The following RTCB variants were observed in gnomAD, a reference collection of about 807,000 sequenced individuals.
RTCB encodes RNA-splicing ligase RTCB.
In RTCB, 32 loss-of-function variants were observed where a neutral mutation model predicts 58.2. That is an observed-to-expected ratio of 0.55 (90% confidence interval 0.41 to 0.74). The LOEUF (loss-of-function observed/expected upper bound fraction) is 0.74. Among genes scored for constraint, RTCB ranks in the 30% least tolerant of loss-of-function variants. The pLI is 0.00. For missense variants in RTCB, 523 were observed against 639.0 expected, an observed-to-expected ratio of 0.82 and a Z score of 1.96; for synonymous variants, 247 against 218.6, an observed-to-expected ratio of 1.13 and a Z score of -1.15.
At position 32,387,807 on chromosome 22, in the gene RTCB, A is replaced by C. The variant is rs764625495; in HGVS notation, c.*185T>G. The C allele has an allele frequency of 5.6e-6, 3 of 538,898 alleles. No individual in the cohort carries two copies. The highest frequency in any genetic ancestry group is 1.0e-5 in the Non-Finnish European group (3 of 299,812). 33.4% of individuals were successfully genotyped at this position (538,898 alleles called of 1,614,324 possible). ...AGGTGGGCAATGTGCCTCTTCCTGGAAGGTTATTTTACAAGCACGGGCCCC... is the reference window on the plus strand; with the variant it reads ...AGGTGGGCAATGTGCCTCTTCCTGGCAGGTTATTTTACAAGCACGGGCCCC... On this transcript the variant is annotated 3_prime_UTR_variant, in exon 12 of 12. Transcript: ENST00000216038.
At chr22:32,393,124 G>A (rs762293942) in intron 10 of RTCB, among the ~76,000 whole-genome samples, 5 of 152,114 alleles carry the variant, frequency 3.3e-5, no homozygotes, top group African/African-American at 9.7e-5. Flanking sequence ...TTGTGGAGAC[G>A]GTGTCTTGCT....
chr22:32,398,197 A>C, intron 6 of RTCB, 97 bp from the exon 7 acceptor site: 7 of 1,345,816 alleles, frequency 5.2e-6, no homozygotes, highest in Non-Finnish European at 3.1e-6. Flanking sequence ...TAACAACAAA[A>C]TAAACATACA....
chr22:32,412,234 C>G lies in RTCB; in HGVS notation c.-78G>C. ...CGCGTAGTCCGGCTTCTCAGAGCAC[C>G]GCCTTCCAAGAACCAAAGCGCAGGC... On this transcript the variant is annotated 5_prime_UTR_variant, in exon 1 of 12. Coordinates refer to ENST00000216038, the MANE Select transcript of RTCB (RefSeq NM_014306.5). The G allele has an allele frequency of 1.6e-6, 2 of 1,258,000 alleles. No individual in the cohort carries two copies. Among genetic ancestry groups the G allele is most frequent in the South Asian group, 1.4e-5 (1 of 72,344 alleles). The allele number at this position is 1,258,000 out of a possible 1,614,324, so 77.9% of individuals were successfully genotyped here. A position where few individuals can be genotyped will look rare whatever the true frequency, so the allele number is the denominator to read the frequency against.
At chr22:32,407,683 T>TAC (rs1933452276) in intron 3 of RTCB, among the ~76,000 whole-genome samples, 2 of 152,320 alleles carry the variant, frequency 1.3e-5, no homozygotes, top group Admixed American at 6.5e-5. Context: ...TCTTAACACT[T>TAC]ACAGATTCTA....
Position 32,399,680 on chromosome 22 carries a change from A to T in RTCB, c.577T>A (p.Cys193Ser), listed in dbSNP as rs758797922. ...TGCAGCATCCTTCCGTACTCCTCGC[A>T]GTGCTCCTTGTCTTCAGCCCAGGCA... The part of the protein sequence containing the change: ...GYAWAEDKEH[C>S]EEYGRMLQAD... Residue 193 changes from cysteine (C) to serine (S), a missense_variant, in exon 6 of 12, where the codon TGC becomes AGC. By Grantham distance (112) the Cys-to-Ser change is moderately radical. Coordinates refer to ENST00000216038, the MANE Select transcript of RTCB (RefSeq NM_014306.5). The T allele has an allele frequency of 1.8e-5, 29 of 1,614,006 alleles. No individual in the cohort carries two copies. Among genetic ancestry groups the T allele is most frequent in the South Asian group, 5.5e-5 (5 of 91,076 alleles).
intron 8 of RTCB, 68 bp downstream of exon 8, chr22:32,396,006 G>A: frequency 1.3e-6 from 2 of 1,517,324 alleles, no homozygotes; most frequent in African/African-American, 1.4e-5. Flanking sequence ...AGCCTGGACT[G>A]CACTATGTTT....
At chr22:32,404,018 T>C (rs1190879902) in intron 4 of RTCB, among the ~76,000 whole-genome samples, 6 of 152,250 alleles carry the variant, frequency 3.9e-5, no homozygotes, top group African/African-American at 1.4e-4. Flanking sequence ...CCCTGTCTTT[T>C]CCCTTCAATT....
intron 6 of RTCB, 92 bp downstream of exon 6, chr22:32,399,511 T>G: frequency 8.4e-7 from 1 of 1,195,920 alleles, no homozygotes; most frequent in Non-Finnish European, 1.2e-6. Flanking sequence ...CCTGGGAATA[T>G]GTTTGCTAAA....
At position 32,395,092 on chromosome 22, in the gene RTCB, T is replaced by C; in HGVS notation, c.1113A>G (p.Leu371=). The change falls in exon 9 of 12, where the codon TTA becomes TTG. Residue 371 remains leucine (L), a synonymous_variant. Transcript: ENST00000216038. Reference sequence around the variant, plus strand: ...CGCGGGTGGATCCCTTCCTGTGTACTAACAGTGTCCGTTCCTTTCCGTCCA... The same window carrying C: ...CGCGGGTGGATCCCTTCCTGTGTACCAACAGTGTCCGTTCCTTTCCGTCCA... ...HVVDGKERTL[L]VHRKGSTRAF... is the part of the protein sequence containing the mutation. 1 of 1,614,208 alleles carries C rather than the reference T, an allele frequency of 6.2e-7. No individual in the cohort carries two copies. The highest frequency in any genetic ancestry group is 8.5e-7 in the Non-Finnish European group (1 of 1,180,040).
At chr22:32,388,746 G>A (rs1043229264) in intron 11 of RTCB, among the ~76,000 whole-genome samples, 1 of 152,052 alleles carries the variant, frequency 6.6e-6, no homozygotes, top group African/African-American at 2.4e-5. Context: ...GTCAATACAA[G>A]CTTAGGCCAT....
intron 6 of RTCB, 93 bp from the exon 7 acceptor site, chr22:32,398,193 C>G (rs973079865): frequency 1.0e-5 from 14 of 1,355,578 alleles, no homozygotes; most frequent in Admixed American, 8.9e-5. Context: ...AAACTAACAA[C>G]AAAATAAACA....
intron 5 of RTCB, chr22:32,401,514 G>C: frequency 2.3e-6 from 1 of 428,598 alleles, no homozygotes; most frequent in Non-Finnish European, 4.1e-6. Flanking sequence ...ATAAACGTTG[G>C]TGGATATGAT....
At chr22:32,406,803 G>T in intron 3 of RTCB, 42 bp from the exon 4 acceptor site, 1 of 1,399,176 alleles carries the variant, frequency 7.1e-7, no homozygotes, top group Non-Finnish European at 1.0e-6. Flanking sequence ...GTCTTGACCT[G>T]CTACCCTGGA....
In RTCB at chr22:32,387,804, T is replaced by C. The variant is rs566954326; in HGVS notation, c.*188A>G. On this transcript the variant is annotated 3_prime_UTR_variant, in exon 12 of 12. Transcript: ENST00000216038. ...CAAAGGTGGGCAATGTGCCTCTTCC[T>C]GGAAGGTTATTTTACAAGCACGGGC... 2.2e-5 allele frequency: 12 copies of C among 536,746 alleles called. No individual in the cohort carries two copies. The highest frequency in any genetic ancestry group is 2.0e-4 in the South Asian group (8 of 40,896). 33.2% of individuals were successfully genotyped at this position (536,746 alleles called of 1,614,324 possible). A position where few individuals can be genotyped will look rare whatever the true frequency, so the allele number is the denominator to read the frequency against.
chr22:32,407,061 C>T (rs538844080), intron 3 of RTCB, among the ~76,000 whole-genome samples: 1 of 152,206 alleles, frequency 6.6e-6, no homozygotes, highest in South Asian at 2.1e-4. Context: ...TGTACTATTA[C>T]ATTTTAAAAA....
intron 10 of RTCB, 103 bp from the exon 11 acceptor site, chr22:32,392,462 T>C (rs763953482): frequency 2.8e-6 from 4 of 1,451,886 alleles, no homozygotes; most frequent in Admixed American, 1.8e-5. Context: ...ACATCTTTTT[T>C]ACTTTATCGA....
chr22:32,396,059 C>A lies in RTCB; in HGVS notation c.990+15G>T. 2 of 1,611,882 alleles carry A rather than the reference C, an allele frequency of 1.2e-6. No homozygotes were observed. Among genetic ancestry groups the A allele is most frequent in the Non-Finnish European group, 1.7e-6 (2 of 1,178,540 alleles). On this transcript the variant is annotated intron_variant, in intron 8 of 11. Transcript: ENST00000216038. ...TCATGAATGACTCGGAACAGAAGAG[C>A]AACTTCTACTGTACCTGACGGGTTA...
Position 32,392,691 on chromosome 22 carries a change from A to AG in RTCB, c.1291-333dup, listed in dbSNP as rs373748758. On this transcript the variant is annotated intron_variant, in intron 10 of 11. Coordinates refer to ENST00000216038, the MANE Select transcript of RTCB (RefSeq NM_014306.5). The stretch of plus-strand genomic sequence containing the variant: ...AAATTGTCAATGTCCCCATGGCGGT[A>AG]GGGGGATCTCCTTTGTTGAAAACTA... Among the ~76,000 whole-genome samples, 13 of 152,326 alleles carry AG rather than the reference A, an allele frequency of 8.5e-5. No individual in the cohort carries two copies. In the South Asian group the frequency reaches 2.7e-3, roughly 32 times the overall value.
intron 3 of RTCB, among the ~76,000 whole-genome samples, 182 bp from the exon 4 acceptor site, chr22:32,406,943 T>C (rs1856336823): frequency 1.3e-5 from 2 of 151,978 alleles, no homozygotes; most frequent in African/African-American, 4.8e-5. Flanking sequence ...CAAAGCTAAA[T>C]ACAGTGAGAA....
Sources: allele counts gnomAD v4.1 joint callset (sites outside exome capture counted in the v4.1 genomes callset), GRCh38; gene constraint gnomAD v4.1.1; transcripts MANE v1.5; gene names NCBI Gene and HGNC (gene_info 2026-07-23, HGNC 2026-07-21).